GPR179: variants seen among roughly 807,000 people sequenced by gnomAD.
The protein encoded by GPR179 is probable G protein-coupled receptor 179.
GPR179 carries 52 observed loss-of-function variants against 70.8 expected under a neutral mutation model. The observed-to-expected ratio is 0.73, with a 90% confidence interval of 0.59 to 0.93. The LOEUF (loss-of-function observed/expected upper bound fraction) is 0.93, where lower values mean the gene tolerates loss of function less well. Ranked by LOEUF, GPR179 falls within the 40% of genes least tolerant of loss-of-function variation. The pLI, the probability that GPR179 is intolerant of heterozygous loss-of-function variation, is 0.00. For missense variants in GPR179, 2,734 were observed against 2,966.8 expected (o/e 0.92, Z 1.82); for synonymous variants, 1,123 against 1,169.0 (o/e 0.96, Z 0.80).
In GPR179 at chr17:38,326,665, T is replaced by G. The variant is rs2037288584; in HGVS notation, c.6904A>C (p.Ser2302Arg). ...IPCPKVSRPA[S>R]TFTLEGVREL... ...CTGACACCTTCTAGAGTGAAAGTAC[T>G]GGCTGGCCTGCTTACCTTGGGGCAG... Residue 2302 changes from serine (S) to arginine (R), a missense_variant, in exon 11 of 11, where the codon AGT (serine) becomes CGT (arginine). Transcript: ENST00000616987. The G allele has an allele frequency of 6.2e-7, 1 of 1,614,084 alleles. No individual in the cohort carries two copies. The highest frequency in any genetic ancestry group is 1.3e-5 in the African/African-American group (1 of 74,936).
Position 38,343,271 on chromosome 17 carries a change from G to T in GPR179, c.519C>A (p.Thr173=), listed in dbSNP as rs546553590. ...ALQATRTGEE[T]ILQDLSGNWV... Reference sequence around the variant, plus strand: ...AGTTCCCAGACAAGTCCTGCAGGATGGTTTCCTCCCCAGTCCGGGTGGCCT... The same window carrying T: ...AGTTCCCAGACAAGTCCTGCAGGATTGTTTCCTCCCCAGTCCGGGTGGCCT... The change falls in exon 1 of 11, where the codon ACC becomes ACA. Residue 173 remains threonine, a synonymous_variant. Transcript: ENST00000616987. This position sits in a 1 kb window ranked among gnomAD's most constrained non-coding sequence, Gnocchi z 4.2. 3.7e-6 allele frequency: 6 copies of T among 1,614,164 alleles called. No homozygotes were observed. The African/African-American group carries it at 8.0e-5, about 22-fold the overall frequency.
In GPR179 at chr17:38,333,709, C is replaced by T. The variant is rs147743493; in HGVS notation, c.1890+224G>A. 3.5e-3 allele frequency among the ~76,000 whole-genome samples: 536 copies of T among 152,282 alleles called. 1 individual carries two copies. Among genetic ancestry groups the T allele is most frequent in the Non-Finnish European group, 6.1e-3 (412 of 68,006 alleles). On this transcript the variant is annotated intron_variant, in intron 9 of 10. Transcript: ENST00000616987. ...CAACCTTCCAGCTGCAGGAGGGAGC[C>T]CCTCCAGCCCTGGGTTTTCTTTCCC...
Position 38,333,263 on chromosome 17 carries a change from A to G in GPR179, c.2025T>C (p.Pro675=), listed in dbSNP as rs2037374512. The G allele has an allele frequency of 1.9e-6, 3 of 1,613,898 alleles. No individual in the cohort carries two copies. The highest frequency in any genetic ancestry group is 2.5e-6 in the Non-Finnish European group (3 of 1,179,840). Residue 675 remains proline (P), a synonymous_variant, in exon 10 of 11, where the codon CCT becomes CCC. Transcript: ENST00000616987. ...ASAWSEHSLD[P]GDIRDELKKL... The stretch of plus-strand genomic sequence containing the variant: ...GGGTGGCACATACCCGAATGTCTCC[A>G]GGGTCCAGGCTGTGCTCACTCCAGG...
At position 38,328,023 on chromosome 17, in the gene GPR179, T is replaced by C. The variant is rs1449789612; in HGVS notation, c.5546A>G (p.Lys1849Arg). Residue 1849 changes from lysine (K) to arginine (R), a missense_variant, in exon 11 of 11, where the codon AAG becomes AGG. By Grantham distance (26) the Lys-to-Arg change is conservative. Coordinates refer to ENST00000616987, the MANE Select transcript of GPR179 (RefSeq NM_001004334.4). Reference sequence around the variant, plus strand: ...TTCTCCCAGGGAAGTGAGTCTCCCCTTTTCTAGAGCTTTCTCCCTCTGCTC... The same window carrying C: ...TTCTCCCAGGGAAGTGAGTCTCCCCCTTTCTAGAGCTTTCTCCCTCTGCTC... ...SAEQREKALE[K>R]GRLTSLGEDV... 2 of 1,614,040 alleles carry C rather than the reference T, an allele frequency of 1.2e-6. No homozygotes were observed. Among genetic ancestry groups the C allele is most frequent in the Non-Finnish European group, 1.7e-6 (2 of 1,180,030 alleles).
chr17:38,337,238 G>C lies in GPR179; in HGVS notation c.992-25C>G. ...CCTATAAAGAACAAGATGAGTGCAGGGAGAGGGGCCCAGCTAGAGCATCCT... is the reference window on the plus strand; with the variant it reads ...CCTATAAAGAACAAGATGAGTGCAGCGAGAGGGGCCCAGCTAGAGCATCCT... On this transcript the variant is annotated intron_variant, in intron 3 of 10. Coordinates refer to ENST00000616987, the MANE Select transcript of GPR179 (RefSeq NM_001004334.4). 2.5e-6 allele frequency: 4 copies of C among 1,578,868 alleles called. No individual in the cohort carries two copies. The South Asian group carries it at 4.5e-5, about 18-fold the overall frequency.
Position 38,327,188 on chromosome 17 carries a change from T to C in GPR179, c.6381A>G (p.Lys2127=), listed in dbSNP as rs774819426. The change falls in exon 11 of 11, where the codon AAA becomes AAG. Residue 2127 remains lysine, a synonymous_variant. Transcript: ENST00000616987. ...CCGCCTCCCAAGGGCAGATCTCTGC[T>C]TTCTTGGCAGAGGGAGCCTCTACCA... ...WEVVEAPSAK[K]AEICPWEAGG... is the part of the protein sequence containing the mutation. 44 of 1,614,130 alleles carry C rather than the reference T, an allele frequency of 2.7e-5. 1 individual carries two copies. The South Asian group carries it at 4.4e-4, about 16-fold the overall frequency.
rs192091633 is a variant in GPR179 at position 38,329,741 on chromosome 17, C to T, written c.3828G>A (p.Ser1276=). Residue 1276 remains serine, a synonymous_variant, in exon 11 of 11, where the codon TCG becomes TCA. Transcript: ENST00000616987. ...CACCTGGGTCTTGTCTTAGTGCCCT[C>T]GACTCTGGGGCTCCTTCACTCGTCT... The part of the protein sequence containing the change: ...PWETSEGAPE[S]RALRQDPGDS... 12 of 1,614,136 alleles carry T rather than the reference C, an allele frequency of 7.4e-6. No individual in the cohort carries two copies. In the African/African-American group the frequency reaches 9.3e-5, roughly 13 times the overall value.
rs762755772 is a variant in GPR179, at chr17:38,327,827, C to T, written c.5742G>A (p.Gly1914=). ...EGHSLEATEK[G]DLRQDPKTGS... ...CTGTCTTTGGGTCTTGTCTCAGGTC[C>T]CCCTTCTCTGTTGCTTCCAAGGAAT... Residue 1914 remains glycine (G), a synonymous_variant, in exon 11 of 11, where the codon GGG becomes GGA. Coordinates refer to ENST00000616987, the MANE Select transcript of GPR179 (RefSeq NM_001004334.4). 1 of 1,614,148 alleles carries T rather than the reference C, an allele frequency of 6.2e-7. No individual in the cohort carries two copies. The highest frequency in any genetic ancestry group is 8.5e-7 in the Non-Finnish European group (1 of 1,180,034).
In GPR179 at chr17:38,335,683, G is replaced by A; in HGVS notation, c.1314C>T (p.Phe438=). The change falls in exon 6 of 11, where the codon TTC becomes TTT. Residue 438 remains phenylalanine, a synonymous_variant. Transcript: ENST00000616987. ...CGATGCAGCGGAATACACTGGGCTT[G>A]AAGTATAGGATGAAGACCTGGTGGG... ...LLYFPVFILY[F]KPSVFRCIAL... 1 of 1,613,690 alleles carries A rather than the reference G, an allele frequency of 6.2e-7. No homozygotes were observed. The highest frequency in any genetic ancestry group is 8.5e-7 in the Non-Finnish European group (1 of 1,179,580).
intron 10 of GPR179, among the ~76,000 whole-genome samples, chr17:38,332,782 G>GT (rs2037370616): frequency 6.6e-6 from 1 of 152,262 alleles, no homozygotes; most frequent in Admixed American, 6.5e-5. Flanking sequence ...GCTAATTTTT[G>GT]TATTTCTAGT....
At chr17:38,332,332 A>T (rs375913670) in intron 10 of GPR179, among the ~76,000 whole-genome samples, 4 of 152,198 alleles carry the variant, frequency 2.6e-5, no homozygotes, top group African/African-American at 9.7e-5. Flanking sequence ...TGGATTGTAT[A>T]AAACAATGGG....
In GPR179 at chr17:38,330,248, C is replaced by T. The variant is rs1452982007; in HGVS notation, c.3321G>A (p.Val1107=). The T allele has an allele frequency of 6.3e-7, 1 of 1,589,512 alleles. No individual in the cohort carries two copies. Among genetic ancestry groups the T allele is most frequent in the Non-Finnish European group, 8.6e-7 (1 of 1,165,944 alleles). ...TGTTCTGCCCCTCGGGACTCTCCTC[C>T]ACACTCTCCTTCTCTCTGTAGGTGC... ...SRSTYREKES[V]EESPEGQNSG... is the part of the protein sequence containing the mutation. The change falls in exon 11 of 11, where the codon GTG becomes GTA. Residue 1107 remains valine (V), a synonymous_variant. Coordinates refer to ENST00000616987, the MANE Select transcript of GPR179 (RefSeq NM_001004334.4).
At chr17:38,342,831 C>G (rs892227127) in intron 1 of GPR179, among the ~76,000 whole-genome samples, 165 bp downstream of exon 1, 5 of 152,250 alleles carry the variant, frequency 3.3e-5, no homozygotes, top group Non-Finnish European at 4.4e-5. Context: ...TGCAGATTCC[C>G]AGAGCCGACT....
At position 38,337,197 on chromosome 17, in the gene GPR179, G is replaced by T. The variant is rs2037413275; in HGVS notation, c.1008C>A (p.Asp336Glu). 1.2e-6 allele frequency: 2 copies of T among 1,611,910 alleles called. No homozygotes were observed. Among genetic ancestry groups the T allele is most frequent in the Non-Finnish European group, 1.7e-6 (2 of 1,179,366 alleles). ...ACCCGAATTGCCCGGTAGTCTGGAAGTCACTCTCCTCTAACCCTATAAAGA... is the reference window on the plus strand; with the variant it reads ...ACCCGAATTGCCCGGTAGTCTGGAATTCACTCTCCTCTAACCCTATAAAGA... ...ASPSGGLEESDFQTTGQFGFP... is the reference protein window; with the variant it reads ...ASPSGGLEESEFQTTGQFGFP... The change falls in exon 4 of 11, where the codon GAC becomes GAA. Residue 336 changes from aspartate (D) to glutamate (E), a missense_variant. Asp to Glu is a conservative substitution (Grantham distance 45). Transcript: ENST00000616987.
rs943653300 is a variant in GPR179, at chr17:38,331,282, C to G, written c.2287G>C (p.Glu763Gln). The G allele has an allele frequency of 6.3e-7, 1 of 1,596,052 alleles. No individual in the cohort carries two copies. The highest frequency in any genetic ancestry group is 1.1e-5 in the South Asian group (1 of 88,944). ...RLLSSSLQEP[E>Q]GTPALHKSRS... ...GACTTGTGCAGAGCTGGTGTCCCCTCGGGTTCCTGGAGGCTGGAGCTGAGG... is the reference window on the plus strand; with the variant it reads ...GACTTGTGCAGAGCTGGTGTCCCCTGGGGTTCCTGGAGGCTGGAGCTGAGG... Residue 763 changes from glutamate to glutamine, a missense_variant, in exon 11 of 11, where the codon GAG becomes CAG. Physicochemically the swap from Glu to Gln is conservative, Grantham distance 29. Coordinates refer to ENST00000616987, the MANE Select transcript of GPR179 (RefSeq NM_001004334.4).
intron 1 of GPR179, among the ~76,000 whole-genome samples, chr17:38,342,787 T>C (rs1488916561): frequency 6.6e-6 from 1 of 152,274 alleles, no homozygotes; most frequent in East Asian, 1.9e-4. Flanking sequence ...TTTATACACA[T>C]GTACACTCAC....
At position 38,343,071 on chromosome 17, in the gene GPR179, C is replaced by T. The variant is rs750159528; in HGVS notation, c.719G>A (p.Arg240Gln). Reference sequence around the variant, plus strand: ...TGTGATCAGCCATCCAGGTCGGAGCCGTCCCTCCTGGCATTCCAGGAAAGG... The same window carrying T: ...TGTGATCAGCCATCCAGGTCGGAGCTGTCCCTCCTGGCATTCCAGGAAAGG... ...SPPFLECQEGRLRPGWLITLS... is the reference protein window; with the variant it reads ...SPPFLECQEGQLRPGWLITLS... Residue 240 changes from arginine to glutamine, a missense_variant, in exon 1 of 11, where the codon CGG becomes CAG. Physicochemically the swap from Arg to Gln is conservative, Grantham distance 43 (BLOSUM62 1). Coordinates refer to ENST00000616987, the MANE Select transcript of GPR179 (RefSeq NM_001004334.4). The surrounding 1 kb of genome is among the most constrained non-coding windows in gnomAD (Gnocchi z 4.2). 2.8e-5 allele frequency: 45 copies of T among 1,614,000 alleles called. No individual in the cohort carries two copies. The East Asian group carries it at 6.7e-4, about 24-fold the overall frequency.
Position 38,326,283 on chromosome 17 carries a change from A to C in GPR179, c.*182T>G, listed in dbSNP as rs1041351807. On this transcript the variant is annotated 3_prime_UTR_variant, in exon 11 of 11. Transcript: ENST00000616987. ...AAGTAAAGAGAGGGTGGGCCTTCCC[A>C]TTGGGGTCTAAGCTGTACCCTTTTC... 1.8e-6 allele frequency: 1 copy of C among 541,528 alleles called. No individual in the cohort carries two copies. Among genetic ancestry groups the C allele is most frequent in the African/African-American group, 1.9e-5 (1 of 53,010 alleles). The allele number at this position is 541,528 out of a possible 1,614,324, so 33.5% of individuals were successfully genotyped here. A position where few individuals can be genotyped will look rare whatever the true frequency, so the allele number is the denominator to read the frequency against.
rs2037338552 is a variant in GPR179, at chr17:38,330,136, T to A, written c.3433A>T (p.Ile1145Phe). ...PKAVSKQAAL[I>F]PSDDKESLQN... is the part of the protein sequence containing the mutation. ...AGGGACTCCTTGTCATCGGAGGGGATAAGAGCGGCCTGCTTACTCACCGCC... is the reference window on the plus strand; with the variant it reads ...AGGGACTCCTTGTCATCGGAGGGGAAAAGAGCGGCCTGCTTACTCACCGCC... Residue 1145 changes from isoleucine (I) to phenylalanine (F), a missense_variant, in exon 11 of 11, where the codon ATC (isoleucine) becomes TTC (phenylalanine). Physicochemically the swap from Ile to Phe is conservative, Grantham distance 21. Transcript: ENST00000616987. The A allele has an allele frequency of 1.2e-5, 19 of 1,600,890 alleles. No homozygotes were observed. Among genetic ancestry groups the A allele is most frequent in the Non-Finnish European group, 1.6e-5 (19 of 1,172,874 alleles).
Sources: allele counts gnomAD v4.1 joint callset (sites outside exome capture counted in the v4.1 genomes callset), GRCh38; gene constraint gnomAD v4.1.1; non-coding constraint Gnocchi (gnomAD v3.1); transcripts MANE v1.5; gene names NCBI Gene and HGNC (gene_info 2026-07-23, HGNC 2026-07-21).